The following TMPRSS6 variants were observed in gnomAD, a reference collection of about 807,000 sequenced individuals.
The protein encoded by TMPRSS6 is transmembrane protease serine 6.
In TMPRSS6, 67 loss-of-function variants were observed where a neutral mutation model predicts 101.5. The ratio of observed to expected loss-of-function variants is 0.66; its 90% CI spans 0.54 to 0.81. The LOEUF (loss-of-function observed/expected upper bound fraction) is 0.81, where lower values mean the gene tolerates loss of function less well. Ranked by LOEUF, TMPRSS6 falls within the 30% of genes least tolerant of loss-of-function variation. The pLI is 0.00. For missense variants in TMPRSS6, 1,034 were observed against 1,088.7 expected (o/e 0.95, Z 0.71); for synonymous variants, 453 against 464.9 (o/e 0.97, Z 0.33).
intron 9 of TMPRSS6, 71 bp from the exon 10 acceptor site, chr22:37,084,475 A>C (rs1330650753): frequency 8.9e-7 from 1 of 1,127,626 alleles, no homozygotes; most frequent in Non-Finnish European, 1.3e-6. Context: ...CCTCCCTAAC[A>C]ACAAAGAGAA....
intron 8 of TMPRSS6, 33 bp downstream of exon 8, chr22:37,086,250 C>T (rs544010972): frequency 6.2e-7 from 1 of 1,613,992 alleles, no homozygotes; most frequent in African/African-American, 1.3e-5. Context: ...TACCACCACC[C>T]CTCCCCTGCC....
At chr22:37,093,763 C>A (rs1004891601) in intron 6 of TMPRSS6, among the ~76,000 whole-genome samples, 5 of 151,492 alleles carry the variant, frequency 3.3e-5, no homozygotes, top group African/African-American at 1.2e-4. Flanking sequence ...TGGCTCACAC[C>A]TGTAATCCCA....
At chr22:37,080,449 C>G (rs1041917778) in intron 10 of TMPRSS6, among the ~76,000 whole-genome samples, 4 of 152,272 alleles carry the variant, frequency 2.6e-5, no homozygotes, top group African/African-American at 7.2e-5. Flanking sequence ...AGGGCTGTAC[C>G]TCCCCCTCCC....
In TMPRSS6 at chr22:37,065,756, G is replaced by C. The variant is rs1158811475; in HGVS notation, c.*324C>G. On this transcript the variant is annotated 3_prime_UTR_variant, in exon 18 of 18. Transcript: ENST00000676104. ...CACCTCAGACACTCCTCGGGATGTA[G>C]AACCAGCATTCTTGCTGCTGAGCCA... 2 of 415,666 alleles carry C rather than the reference G, an allele frequency of 4.8e-6. No individual in the cohort carries two copies. Among genetic ancestry groups the C allele is most frequent in the Admixed American group, 7.1e-5 (2 of 28,200 alleles). 25.7% of individuals were successfully genotyped at this position (415,666 alleles called of 1,614,324 possible). A position where few individuals can be genotyped will look rare whatever the true frequency, so the allele number is the denominator to read the frequency against.
intron 14 of TMPRSS6, 97 bp downstream of exon 14, chr22:37,070,819 A>T: frequency 2.2e-6 from 3 of 1,373,864 alleles, no homozygotes; most frequent in Non-Finnish European, 3.1e-6. Flanking sequence ...AGATAGAGAG[A>T]GACCAGGGGA....
At chr22:37,100,820 A>G (rs1930253233) in intron 2 of TMPRSS6, among the ~76,000 whole-genome samples, 1 of 152,148 alleles carries the variant, frequency 6.6e-6, no homozygotes, top group South Asian at 2.1e-4. Context: ...GTGGAGAGAG[A>G]AAGGAGAGGC....
chr22:37,076,077 G>GA (rs941042029), intron 10 of TMPRSS6, among the ~76,000 whole-genome samples: 11 of 149,070 alleles, frequency 7.4e-5, no homozygotes, highest in African/African-American at 2.8e-4. Context: ...GAAAAGAAAA[G>GA]AAAGAAAGAG....
At chr22:37,072,507 G>A (rs534422337) in intron 13 of TMPRSS6, among the ~76,000 whole-genome samples, 309 of 146,094 alleles carry the variant, frequency 2.1e-3, no homozygotes, top group South Asian at 6.8e-3. Flanking sequence ...ATGGATAGAC[G>A]ATGGACAGAT....
At chr22:37,099,302 C>A (rs913261106) in intron 2 of TMPRSS6, among the ~76,000 whole-genome samples, 1 of 152,218 alleles carries the variant, frequency 6.6e-6, no homozygotes, top group Non-Finnish European at 1.5e-5. Context: ...GGGCTGAAAG[C>A]CTGTTTGGCT....
chr22:37,075,573 G>A (rs984001723), intron 10 of TMPRSS6, among the ~76,000 whole-genome samples: 1 of 152,142 alleles, frequency 6.6e-6, no homozygotes, highest in Non-Finnish European at 1.5e-5. Context: ...AGCAAGTCAG[G>A]GTCCTTCTTT....
In TMPRSS6 at chr22:37,070,937, C is replaced by T. The variant is rs375396615; in HGVS notation, c.1651G>A (p.Gly551Ser). The T allele has an allele frequency of 5.0e-5, 81 of 1,613,260 alleles. No individual in the cohort carries two copies. Among genetic ancestry groups the T allele is most frequent in the Non-Finnish European group, 6.0e-5 (71 of 1,179,996 alleles). ...QCDGRPDCRD[G>S]SDEEHCDCGL... is the part of the protein sequence containing the mutation. Reference sequence around the variant, plus strand: ...TCACCACAGTGCTCCTCATCCGAGCCGTCCCTGCAGTCGGGCCGCCCATCA... The same window carrying T: ...TCACCACAGTGCTCCTCATCCGAGCTGTCCCTGCAGTCGGGCCGCCCATCA... Residue 551 changes from glycine (G) to serine (S), a missense_variant, in exon 14 of 18, where the codon GGC (glycine) becomes AGC (serine). By Grantham distance (56) the Gly-to-Ser change is moderately conservative. Coordinates refer to ENST00000676104, the MANE Select transcript of TMPRSS6 (RefSeq NM_001374504.1).
rs1927450718 is a variant in TMPRSS6, at chr22:37,074,659, G to A, written c.1392C>T (p.Ala464=). Residue 464 remains alanine, a synonymous_variant, in exon 12 of 18, where the codon GCC becomes GCT. Transcript: ENST00000676104. ...TGGGGCAGTCCTTGACCCCATCACAGGCAGGGACACAGAGTCCATTCACAG... is the reference window on the plus strand; with the variant it reads ...TGGGGCAGTCCTTGACCCCATCACAAGCAGGGACACAGAGTCCATTCACAG... The part of the protein sequence containing the change: ...LCSVNGLCVP[A]CDGVKDCPNG... 7 of 1,614,088 alleles carry A rather than the reference G, an allele frequency of 4.3e-6. No individual in the cohort carries two copies. The highest frequency in any genetic ancestry group is 2.2e-5 in the East Asian group (1 of 44,894).
rs113697947 is a variant in TMPRSS6 at position 37,074,768 on chromosome 22, C to T, written c.1343-60G>A. On this transcript the variant is annotated intron_variant, in intron 11 of 17. Transcript: ENST00000676104. ...GGCGCCATTAGGCCATGCGTAGCCG[C>T]GAAGGCGCACAAAGACACGCATGCA... 1.9e-5 allele frequency: 29 copies of T among 1,559,772 alleles called. No individual in the cohort carries two copies. In the Admixed American group the frequency reaches 1.9e-4, roughly 10 times the overall value.
intron 7 of TMPRSS6, among the ~76,000 whole-genome samples, 157 bp from the exon 8 acceptor site, chr22:37,086,576 G>GA (rs1219641536): frequency 3.3e-5 from 5 of 152,070 alleles, no homozygotes; most frequent in Non-Finnish European, 7.4e-5. Context: ...TCTGTGGGGA[G>GA]AATTCTGTGT....
rs1926688131 is a variant in TMPRSS6 at position 37,069,457 on chromosome 22, C to A, written c.1842-113G>T. ...GATCCCCGCCCGGGACAGTGCCCTC[C>A]ACACCCAGCCCTCCCTTCCCTCCCT... On this transcript the variant is annotated intron_variant, in intron 15 of 17. Transcript: ENST00000676104. The surrounding 1 kb of genome is among the most constrained non-coding windows in gnomAD (Gnocchi z 4.8). The A allele has an allele frequency of 5.7e-6, 6 of 1,047,902 alleles. No homozygotes were observed. Among genetic ancestry groups the A allele is most frequent in the Non-Finnish European group, 8.3e-6 (6 of 725,870 alleles). The allele number at this position is 1,047,902 out of a possible 1,614,324, so 64.9% of individuals were successfully genotyped here. A position where few individuals can be genotyped will look rare whatever the true frequency, so the allele number is the denominator to read the frequency against.
At chr22:37,095,781 G>T (rs923178467) in intron 5 of TMPRSS6, 125 bp downstream of exon 5, 14 of 1,326,068 alleles carry the variant, frequency 1.1e-5, no homozygotes, top group African/African-American at 1.5e-5. Flanking sequence ...TCACCTGGGG[G>T]GCTCTCCTGG....
rs1215227000 is a variant in TMPRSS6 at position 37,067,472 on chromosome 22, AAAC to A, written c.2114-513_2114-511del. On this transcript the variant is annotated intron_variant, in intron 16 of 17. Coordinates refer to ENST00000676104, the MANE Select transcript of TMPRSS6 (RefSeq NM_001374504.1). Reference sequence around the variant, plus strand: ...ACAAGAGCGAAACTCTGTCTCAAAAAAACAAAAAAAAGAAAAAAGAAAAAAGCC... The same window carrying A: ...ACAAGAGCGAAACTCTGTCTCAAAAAAAAAAAAAGAAAAAAGAAAAAAGCC... 3.3e-5 allele frequency among the ~76,000 whole-genome samples: 5 copies of A among 149,568 alleles called. No individual in the cohort carries two copies. In the East Asian group the frequency reaches 9.7e-4, roughly 29 times the overall value.
intron 10 of TMPRSS6, among the ~76,000 whole-genome samples, chr22:37,080,570 T>A (rs904979813): frequency 3.3e-5 from 5 of 152,234 alleles, no homozygotes; most frequent in African/African-American, 1.2e-4. Context: ...AGCATCTACA[T>A]GGGATGATCA....
chr22:37,108,107 C>A (rs776596458), intron 1 of TMPRSS6, among the ~76,000 whole-genome samples: 7 of 152,204 alleles, frequency 4.6e-5, no homozygotes, highest in Admixed American at 6.5e-5. Context: ...CCCAAGGACA[C>A]TGGACTTCCA....
Sources: allele counts gnomAD v4.1 joint callset (sites outside exome capture counted in the v4.1 genomes callset), GRCh38; gene constraint gnomAD v4.1.1; non-coding constraint Gnocchi (gnomAD v3.1); transcripts MANE v1.5; gene names NCBI Gene and HGNC (gene_info 2026-07-23, HGNC 2026-07-21).